The following PDE10A variants were observed in gnomAD, a reference collection of about 807,000 sequenced individuals.
PDE10A encodes cAMP and cAMP-inhibited cGMP 3',5'-cyclic phosphodiesterase 10A.
A neutral mutation model predicts 97.7 loss-of-function variants in PDE10A; 39 were observed. The observed-to-expected ratio is 0.40, with a 90% CI of 0.31 to 0.52. PDE10A has a LOEUF of 0.52. PDE10A is among the 20% of genes least tolerant of loss of function. The pLI, the probability that PDE10A is intolerant of heterozygous loss-of-function variation, is 0.56. For missense variants in PDE10A, 731 were observed against 1,047.8 expected, an observed-to-expected ratio of 0.70 and a Z score of 4.17; for synonymous variants, 371 against 376.8, an observed-to-expected ratio of 0.98 and a Z score of 0.18.
chr6:165,662,177 C>A lies in PDE10A; in HGVS notation c.635G>T (p.Arg212Leu), dbSNP rs1267426330. ...GLLLPARAGP[R>L]PPPPPRLPLG... Reference sequence around the variant, plus strand: ...GGGGAGCCGGGGCGGCGGCGGCGGCCGGGGACCGGCACGGGCTGGAAGCAG... The same window carrying A: ...GGGGAGCCGGGGCGGCGGCGGCGGCAGGGGACCGGCACGGGCTGGAAGCAG... Residue 212 changes from arginine (R) to leucine (L), a missense_variant, in exon 1 of 22, where the codon CGG becomes CTG. Physicochemically the swap from Arg to Leu is moderately radical, Grantham distance 102. This residue lies in a region of PDE10A where 181 missense variants were observed against 159.1 expected (regional missense o/e 1.14). Transcript: ENST00000539869. 28 of 267,062 alleles carry A rather than the reference C, an allele frequency of 1.0e-4. No homozygotes were observed. The highest frequency in any genetic ancestry group is 1.6e-4 in the Non-Finnish European group (28 of 175,198). The allele number at this position is 267,062 out of a possible 1,614,324, so 16.5% of individuals were successfully genotyped here. A position where few individuals can be genotyped will look rare whatever the true frequency, so the allele number is the denominator to read the frequency against.
At chr6:165,601,024 C>A (rs1786914532) in intron 1 of PDE10A, among the ~76,000 whole-genome samples, 1 of 152,194 alleles carries the variant, frequency 6.6e-6, no homozygotes, top group Non-Finnish European at 1.5e-5. Flanking sequence ...TGAATTGTAT[C>A]TCCCAGAATT....
intron 1 of PDE10A, among the ~76,000 whole-genome samples, chr6:165,548,272 A>C (rs1402831575): frequency 1.4e-5 from 2 of 143,072 alleles, no homozygotes; most frequent in Non-Finnish European, 3.0e-5. Context: ...CAGGCTTTAA[A>C]TCTCTTTTTT....
At chr6:165,971,138 A>AG (rs1784658547) in intron 1 of PDE10A, among the ~76,000 whole-genome samples, 1 of 135,052 alleles carries the variant, frequency 7.4e-6, no homozygotes, top group Non-Finnish European at 1.7e-5. Context: ...ACAGAGGGAG[A>AG]CAAAAAAAAA....
At chr6:165,433,698 T>TCTAG (rs1395872262) in intron 6 of PDE10A, among the ~76,000 whole-genome samples, 4 of 152,126 alleles carry the variant, frequency 2.6e-5, no homozygotes, top group Non-Finnish European at 4.4e-5. Flanking sequence ...TTTAAAATTT[T>TCTAG]CTAGCTTGGC....
intron 3 of PDE10A, among the ~76,000 whole-genome samples, chr6:165,473,233 G>A (rs551840656): frequency 1.3e-5 from 2 of 152,270 alleles, no homozygotes; most frequent in Admixed American, 1.3e-4. Flanking sequence ...TTATTACCAA[G>A]TAAATATATG....
intron 1 of PDE10A, among the ~76,000 whole-genome samples, chr6:165,700,812 T>A (rs1357970811): frequency 6.6e-6 from 1 of 152,244 alleles, no homozygotes; most frequent in Non-Finnish European, 1.5e-5. Flanking sequence ...AACATTTATG[T>A]GACTTTTTGT....
intron 1 of PDE10A, among the ~76,000 whole-genome samples, chr6:165,729,153 G>A (rs1792364946): frequency 6.6e-6 from 1 of 151,058 alleles, no homozygotes; most frequent in Admixed American, 6.6e-5. Flanking sequence ...AATGAGCCAT[G>A]ATCATGCTAC....
At chr6:165,550,688 A>T (rs1206403446) in intron 1 of PDE10A, among the ~76,000 whole-genome samples, 1 of 152,216 alleles carries the variant, frequency 6.6e-6, no homozygotes, top group Non-Finnish European at 1.5e-5. Context: ...CCATAAACCC[A>T]GGGGGCAAAA....
intron 1 of PDE10A, among the ~76,000 whole-genome samples, chr6:165,569,923 T>G (rs1399881122): frequency 2.0e-5 from 3 of 152,210 alleles, no homozygotes; most frequent in Non-Finnish European, 2.9e-5. Flanking sequence ...AACTTTCCAA[T>G]GTAAACTACA....
In PDE10A at chr6:165,854,701, C is replaced by A. The variant is rs372472500; in HGVS notation, c.-615+132828G>T. On this transcript the variant is annotated intron_variant, in intron 1 of 19. Coordinates refer to the PDE10A transcript ENST00000366882. ...TGAGGAGCGTAGGCCAAGCCGAGCCCGCAGAAGCCCCAGAGGCCTGGCCTG... is the reference window on the plus strand; with the variant it reads ...TGAGGAGCGTAGGCCAAGCCGAGCCAGCAGAAGCCCCAGAGGCCTGGCCTG... 3.9e-5 allele frequency among the ~76,000 whole-genome samples: 6 copies of A among 152,304 alleles called. No individual in the cohort carries two copies. The South Asian group carries it at 1.2e-3, about 32-fold the overall frequency.
intron 2 of PDE10A, among the ~76,000 whole-genome samples, chr6:165,514,681 T>G (rs1181983319): frequency 6.6e-6 from 1 of 152,176 alleles, no homozygotes; most frequent in African/African-American, 2.4e-5. Flanking sequence ...ATGAGGTTAT[T>G]GCTTATGACT....
chr6:165,791,938 A>G (rs1778666380), intron 1 of PDE10A, among the ~76,000 whole-genome samples: 1 of 152,182 alleles, frequency 6.6e-6, no homozygotes, highest in African/African-American at 2.4e-5. Context: ...GCTCTGTGCA[A>G]CACACATACA....
intron 18 of PDE10A, among the ~76,000 whole-genome samples, chr6:165,360,741 A>G (rs1783354590): frequency 6.6e-6 from 1 of 152,204 alleles, no homozygotes; most frequent in Admixed American, 6.5e-5. Context: ...CTGTAAAGCA[A>G]TGTCTCCCCC....
At chr6:165,959,984 G>A (rs1784309358) in intron 1 of PDE10A, among the ~76,000 whole-genome samples, 1 of 152,192 alleles carries the variant, frequency 6.6e-6, no homozygotes, top group African/African-American at 2.4e-5. Flanking sequence ...CACAGCAAGG[G>A]ACAATCCAGC....
At chr6:165,962,765 A>C (rs555027609) in intron 1 of PDE10A, among the ~76,000 whole-genome samples, 2 of 152,326 alleles carry the variant, frequency 1.3e-5, no homozygotes, top group South Asian at 4.2e-4. Context: ...CTGGTTCATA[A>C]AACCAATAAG....
At chr6:165,910,549 G>A (rs1192393980) in intron 1 of PDE10A, among the ~76,000 whole-genome samples, 1 of 152,008 alleles carries the variant, frequency 6.6e-6, no homozygotes, top group African/African-American at 2.4e-5. Context: ...ACATCTTGGG[G>A]GTGTTAAAAG....
In PDE10A at chr6:165,929,470, G is replaced by A. The variant is rs75076459; in HGVS notation, c.-615+58059C>T. ...ATAATACAACATTGCTGTGAAGGCCGTCAGAAACATTACAACCACTTAGGT... is the reference window on the plus strand; with the variant it reads ...ATAATACAACATTGCTGTGAAGGCCATCAGAAACATTACAACCACTTAGGT... On this transcript the variant is annotated intron_variant, in intron 1 of 19. Coordinates refer to the PDE10A transcript ENST00000366882. Among the ~76,000 whole-genome samples the A allele has an allele frequency of 3.3e-5, 5 of 152,148 alleles. No individual in the cohort carries two copies. The South Asian group carries it at 6.2e-4, about 19-fold the overall frequency.
chr6:165,979,359 C>T (rs1195941674), intron 1 of PDE10A, among the ~76,000 whole-genome samples: 3 of 152,178 alleles, frequency 2.0e-5, no homozygotes, highest in Middle Eastern at 3.2e-3. Context: ...CCCATTCATA[C>T]CAGGCATTAG....
intron 1 of PDE10A, among the ~76,000 whole-genome samples, chr6:165,720,689 C>A (rs1452229415): frequency 6.6e-6 from 1 of 152,184 alleles, no homozygotes; most frequent in African/African-American, 2.4e-5. Flanking sequence ...CGGATAAGCA[C>A]ATATCCTTAT....
Sources: gnomAD v4.1 joint callset for allele counts (sites outside exome capture counted in the v4.1 genomes callset) on GRCh38, gnomAD v4.1.1 for gene constraint, gnomAD v4.1.1 regional missense constraint, MANE v1.5 for transcripts, NCBI Gene and HGNC (gene_info 2026-07-23, HGNC 2026-07-21) for gene names.